Variants in LAMB2 observed in about 807,000 individuals in gnomAD.
LAMB2 encodes the protein laminin subunit beta-2.
Under a neutral mutation model 202.7 loss-of-function variants are expected in LAMB2, and 119 were observed. The observed-to-expected ratio is 0.59, with a 90% CI of 0.51 to 0.68. The LOEUF (loss-of-function observed/expected upper bound fraction) is 0.68, where lower values mean the gene tolerates loss of function less well. Ranked by LOEUF, LAMB2 falls within the 30% of genes least tolerant of loss-of-function variation. LAMB2 has a pLI of 0.00. For missense variants in LAMB2, 2,124 were observed against 2,410.6 expected (o/e 0.88, Z 2.49); for synonymous variants, 818 against 902.2 (o/e 0.91, Z 1.67).
intron 26 of LAMB2, 25 bp from the exon 27 acceptor site, chr3:49,123,077 G>T (rs1378936377): frequency 1.9e-6 from 3 of 1,606,500 alleles, no homozygotes; most frequent in Admixed American, 3.3e-5. Context: ...ACAAGTCAGG[G>T]CCCTGTGAGA....
Position 49,124,829 on chromosome 3 carries a change from G to A in LAMB2, c.2981C>T (p.Pro994Leu). 1 of 1,614,152 alleles carries A rather than the reference G, an allele frequency of 6.2e-7. No individual in the cohort carries two copies. Among genetic ancestry groups the A allele is most frequent in the Non-Finnish European group, 8.5e-7 (1 of 1,180,030 alleles). Reference sequence around the variant, plus strand: ...GGGGTCACAGGCATCAGGATCCATTGGGTCAATGTTCCCACTGCACTCACA... The same window carrying A: ...GGGGTCACAGGCATCAGGATCCATTAGGTCAATGTTCCCACTGCACTCACA... ...QLCECSGNID[P>L]MDPDACDPHT... Residue 994 changes from proline (P) to leucine (L), a missense_variant, in exon 21 of 32, where the codon CCA becomes CTA. Transcript: ENST00000305544.
At position 49,132,697 on chromosome 3, in the gene LAMB2, T is replaced by C; in HGVS notation, c.77-34A>G. The C allele has an allele frequency of 6.2e-7, 1 of 1,614,064 alleles. No homozygotes were observed. The highest frequency in any genetic ancestry group is 8.5e-7 in the Non-Finnish European group (1 of 1,179,944). On this transcript the variant is annotated intron_variant, in intron 1 of 31. Coordinates refer to ENST00000305544, the MANE Select transcript of LAMB2 (RefSeq NM_002292.4). The surrounding 1 kb of genome is among the most constrained non-coding windows in gnomAD (Gnocchi z 4.6). The stretch of plus-strand genomic sequence containing the variant: ...AGTAGCTCAGTCAGTTCCGCTGAGT[T>C]CCTATCCAGTGGCTCCACCTCATGT...
chr3:49,121,388 G>T, intron 31 of LAMB2, 26 bp from the exon 32 acceptor site: 1 of 1,614,100 alleles, frequency 6.2e-7, no homozygotes, highest in Non-Finnish European at 8.5e-7. Flanking sequence ...GTCAGTTTAG[G>T]GGGGGTTTCC....
In LAMB2 at chr3:49,129,545, C is replaced by T. The variant is rs1208149862; in HGVS notation, c.1518+59G>A. On this transcript the variant is annotated intron_variant, in intron 11 of 31. Transcript: ENST00000305544. The surrounding 1 kb of genome is among the most constrained non-coding windows in gnomAD (Gnocchi z 6.1). Reference sequence around the variant, plus strand: ...ACCCACTGGCATAGATGTGACACCCCAGCCCTGTGCTCTAAGGACAAATCA... The same window carrying T: ...ACCCACTGGCATAGATGTGACACCCTAGCCCTGTGCTCTAAGGACAAATCA... 1.4e-6 allele frequency: 2 copies of T among 1,404,988 alleles called. No individual in the cohort carries two copies. The highest frequency in any genetic ancestry group is 1.7e-5 in the Admixed American group (1 of 58,684). 87.0% of individuals were successfully genotyped at this position (1,404,988 alleles called of 1,614,324 possible). A position where few individuals can be genotyped will look rare whatever the true frequency, so the allele number is the denominator to read the frequency against.
Position 49,132,030 on chromosome 3 carries a change from G to A in LAMB2, c.459+86C>T. The A allele has an allele frequency of 3.9e-6, 5 of 1,288,960 alleles. No homozygotes were observed. The highest frequency in any genetic ancestry group is 5.6e-6 in the Non-Finnish European group (5 of 885,080). 79.8% of individuals were successfully genotyped at this position (1,288,960 alleles called of 1,614,324 possible). ...AGCCTCCTGCATCCATGCTCAAGGA[G>A]GCTGTGTTAAGGAGCTGAGGCTCTG... On this transcript the variant is annotated intron_variant, in intron 4 of 31. Transcript: ENST00000305544. This position sits in a 1 kb window ranked among gnomAD's most constrained non-coding sequence, Gnocchi z 4.6.
chr3:49,125,652 G>A, intron 18 of LAMB2, 95 bp downstream of exon 18: 1 of 1,540,304 alleles, frequency 6.5e-7, no homozygotes, highest in Admixed American at 1.9e-5. Context: ...CCAAGACTTA[G>A]TTTGAGGAAA....
chr3:49,129,257 G>A lies in LAMB2; in HGVS notation c.1586C>T (p.Ala529Val), dbSNP rs2045455839. 1 of 1,613,876 alleles carries A rather than the reference G, an allele frequency of 6.2e-7. No homozygotes were observed. Among genetic ancestry groups the A allele is most frequent in the Non-Finnish European group, 8.5e-7 (1 of 1,179,954 alleles). ...TTACAACACTTACTGGGGATCCAAA[G>A]CACCACCCACGTCGCAGTCACAGGG... is the stretch of plus-strand genomic sequence containing the variant. ...CRPCDCDVGG[A>V]LDPQCDEGTG... Residue 529 changes from alanine (A) to valine (V), a missense_variant, in exon 12 of 32, where the codon GCT becomes GTT. Coordinates refer to ENST00000305544, the MANE Select transcript of LAMB2 (RefSeq NM_002292.4). The surrounding 1 kb of genome is among the most constrained non-coding windows in gnomAD (Gnocchi z 6.1).
Position 49,126,143 on chromosome 3 carries a change from C to T in LAMB2, c.2168G>A (p.Arg723His), listed in dbSNP as rs542505535. ...LLIDSLVLLP[R>H]VLVLEMFSGG... ...ACTAAACATCTCTAGCACCAGGACA[C>T]GGGGCAGCAGCACCAGCTGAAGGAG... The change falls in exon 17 of 32, where the codon CGT (arginine) becomes CAT (histidine). Residue 723 changes from arginine (R) to histidine (H), a missense_variant. By Grantham distance (29) the Arg-to-His change is conservative. Transcript: ENST00000305544. 1.9e-5 allele frequency: 30 copies of T among 1,612,696 alleles called. No individual in the cohort carries two copies. The highest frequency in any genetic ancestry group is 8.8e-5 in the South Asian group (8 of 91,080).
chr3:49,121,147 C>A lies in LAMB2; in HGVS notation c.*79G>T. Reference sequence around the variant, plus strand: ...CACACTGGTTTATTGGGGGCCCTGCCGGGCCAAGAGCTCTTCAGTGCATAG... The same window carrying A: ...CACACTGGTTTATTGGGGGCCCTGCAGGGCCAAGAGCTCTTCAGTGCATAG... On this transcript the variant is annotated 3_prime_UTR_variant, in exon 32 of 32. Coordinates refer to ENST00000305544, the MANE Select transcript of LAMB2 (RefSeq NM_002292.4). 6.4e-7 allele frequency: 1 copy of A among 1,550,866 alleles called. No individual in the cohort carries two copies. The highest frequency in any genetic ancestry group is 1.1e-5 in the South Asian group (1 of 89,000).
Position 49,133,011 on chromosome 3 carries a change from A to C in LAMB2, c.-144T>G, listed in dbSNP as rs1272857661. 2.8e-6 allele frequency: 2 copies of C among 719,756 alleles called. No individual in the cohort carries two copies. Among genetic ancestry groups the C allele is most frequent in the African/African-American group, 3.5e-5 (2 of 57,026 alleles). The allele number at this position is 719,756 out of a possible 1,614,324, so 44.6% of individuals were successfully genotyped here. A position where few individuals can be genotyped will look rare whatever the true frequency, so the allele number is the denominator to read the frequency against. ...CCTCTGTCAGTTCCCAGGTCTGTCC[A>C]GCGGTCCCTCCGACAGCTTAGAGTC... On this transcript the variant is annotated 5_prime_UTR_variant, in exon 1 of 32. Coordinates refer to ENST00000305544, the MANE Select transcript of LAMB2 (RefSeq NM_002292.4).
rs1258588115 is a variant in LAMB2, at chr3:49,129,020, C to T, written c.1731G>A (p.Gln577=). 2 of 1,608,612 alleles carry T rather than the reference C, an allele frequency of 1.2e-6. No homozygotes were observed. The highest frequency in any genetic ancestry group is 8.5e-7 in the Non-Finnish European group (1 of 1,180,000). The change falls in exon 13 of 32, where the codon CAG becomes CAA. Residue 577 remains glutamine (Q), a splice_region_variant and synonymous_variant. Coordinates refer to ENST00000305544, the MANE Select transcript of LAMB2 (RefSeq NM_002292.4). The surrounding 1 kb of genome is among the most constrained non-coding windows in gnomAD (Gnocchi z 6.1). ...LIWEAEDTRG[Q]VLDVVERLVT... ...CTCTGCTTAGGGGGAGGCCCCACAC[C>T]TGCCCTCGGGTGTCCTCAGCCTCCC... is the stretch of plus-strand genomic sequence containing the variant.
In LAMB2 at chr3:49,125,415, C is replaced by T. The variant is rs774703538; in HGVS notation, c.2558G>A (p.Arg853Gln). The T allele has an allele frequency of 8.7e-6, 14 of 1,613,870 alleles. No homozygotes were observed. The highest frequency in any genetic ancestry group is 1.6e-4 in the Middle Eastern group (1 of 6,062). The part of the protein sequence containing the change: ...CEKTSGQCLC[R>Q]TGAFGLRCDR... ...ACAGCGAAGCCCAAAGGCACCAGTT[C>T]GACAGAGACATTGCCCACTGGTCTT... The change falls in exon 19 of 32, where the codon CGA becomes CAA. Residue 853 changes from arginine (R) to glutamine (Q), a missense_variant. Transcript: ENST00000305544.
chr3:49,130,084 T>G lies in LAMB2; in HGVS notation c.1226-66A>C. 1 of 1,591,994 alleles carries G rather than the reference T, an allele frequency of 6.3e-7. No homozygotes were observed. Among genetic ancestry groups the G allele is most frequent in the Non-Finnish European group, 8.6e-7 (1 of 1,160,698 alleles). ...AACTAGCTCACTGCCAGTCCTCTCC[T>G]AAGCCTAAGGGATCCCACCCTGGAT... On this transcript the variant is annotated intron_variant, in intron 9 of 31. Transcript: ENST00000305544. The surrounding 1 kb of genome is among the most constrained non-coding windows in gnomAD (Gnocchi z 5.0).
Position 49,122,694 on chromosome 3 carries a change from G to T in LAMB2, c.4573+10C>A. 1 of 1,609,984 alleles carries T rather than the reference G, an allele frequency of 6.2e-7. No individual in the cohort carries two copies. Among genetic ancestry groups the T allele is most frequent in the Non-Finnish European group, 8.5e-7 (1 of 1,176,242 alleles). ...ACAACCACATGGCCTGGGACACGTG[G>T]GAGGCTCACGGTTGAGGAAGTCCTT... On this transcript the variant is annotated intron_variant, in intron 27 of 31. Coordinates refer to ENST00000305544, the MANE Select transcript of LAMB2 (RefSeq NM_002292.4).
Position 49,129,270 on chromosome 3 carries a change from C to T in LAMB2, c.1573G>A (p.Asp525Asn), listed in dbSNP as rs200694459. 21 of 1,613,918 alleles carry T rather than the reference C, an allele frequency of 1.3e-5. No individual in the cohort carries two copies. In the Admixed American group the frequency reaches 1.3e-4, roughly 10 times the overall value. The change falls in exon 12 of 32, where the codon GAC (aspartate) becomes AAC (asparagine). Residue 525 changes from aspartate (D) to asparagine (N), a missense_variant. Asp to Asn is a conservative substitution (Grantham distance 23). Around this residue, in one of 3 missense-constraint regions of LAMB2, gnomAD observed 1,702 missense variants for 1,896.3 expected, o/e 0.90. Coordinates refer to ENST00000305544, the MANE Select transcript of LAMB2 (RefSeq NM_002292.4). This position sits in a 1 kb window ranked among gnomAD's most constrained non-coding sequence, Gnocchi z 6.1. Reference protein sequence around the residue: ...DLLGCRPCDCDVGGALDPQCD... With the variant: ...DLLGCRPCDCNVGGALDPQCD... ...TGGGGATCCAAAGCACCACCCACGT[C>T]GCAGTCACAGGGGCGGCAGCCGAGC... is the stretch of plus-strand genomic sequence containing the variant.
chr3:49,128,804 C>T lies in LAMB2; in HGVS notation c.1747G>A (p.Glu583Lys). ...GTTTCCCCGGGGGTCACCAGGCGCTCCACCACATCGAGCACCTGGGAGATA... is the reference window on the plus strand; with the variant it reads ...GTTTCCCCGGGGGTCACCAGGCGCTTCACCACATCGAGCACCTGGGAGATA... The part of the protein sequence containing the change: ...DTRGQVLDVV[E>K]RLVTPGETPS... Residue 583 changes from glutamate to lysine, a missense_variant, in exon 14 of 32, where the codon GAG (glutamate) becomes AAG (lysine). Physicochemically the swap from Glu to Lys is moderately conservative, Grantham distance 56. This residue lies in a region of LAMB2 where 1,702 missense variants were observed against 1,896.3 expected (regional missense o/e 0.90). Transcript: ENST00000305544. 6.2e-7 allele frequency: 1 copy of T among 1,613,198 alleles called. No individual in the cohort carries two copies. The highest frequency in any genetic ancestry group is 8.5e-7 in the Non-Finnish European group (1 of 1,179,402).
Position 49,132,593 on chromosome 3 carries a change from G to A in LAMB2, c.147C>T (p.Pro49=), listed in dbSNP as rs747589298. The A allele has an allele frequency of 1.1e-5, 17 of 1,613,594 alleles. No homozygotes were observed. Among genetic ancestry groups the A allele is most frequent in the African/African-American group, 5.3e-5 (4 of 74,934 alleles). The change falls in exon 2 of 32, where the codon CCC becomes CCT. Residue 49 remains proline (P), a synonymous_variant. Coordinates refer to ENST00000305544, the MANE Select transcript of LAMB2 (RefSeq NM_002292.4). This position sits in a 1 kb window ranked among gnomAD's most constrained non-coding sequence, Gnocchi z 4.6. ...GGCCCACCAGCAGGTCGCCCGTGGC[G>A]GGGTAGCAGCTTCCCCTGGAACAGC... ...VPGCSRGSCY[P]ATGDLLVGRA...
chr3:49,122,228 G>C lies in LAMB2; in HGVS notation c.4716C>G (p.Ile1572Met). The C allele has an allele frequency of 6.2e-7, 1 of 1,613,476 alleles. No individual in the cohort carries two copies. Among genetic ancestry groups the C allele is most frequent in the Middle Eastern group, 1.6e-4 (1 of 6,062 alleles). Residue 1572 changes from isoleucine to methionine, a missense_variant, in exon 28 of 32, where the codon ATC becomes ATG. Physicochemically the swap from Ile to Met is conservative, Grantham distance 10. Transcript: ENST00000305544. Reference sequence around the variant, plus strand: ...GCACATCTCCTACAGTACGTGCCAGGATCGCATCCACATCTGCCAGGCTCC... The same window carrying C: ...GCACATCTCCTACAGTACGTGCCAGCATCGCATCCACATCTGCCAGGCTCC... The part of the protein sequence containing the change: ...RVRSLADVDA[I>M]LARTVGDVRR...
chr3:49,124,451 C>T lies in LAMB2; in HGVS notation c.3271G>A (p.Gly1091Ser). 6.2e-7 allele frequency: 1 copy of T among 1,613,684 alleles called. No individual in the cohort carries two copies. The highest frequency in any genetic ancestry group is 8.5e-7 in the Non-Finnish European group (1 of 1,180,030). The change falls in exon 22 of 32, where the codon GGT becomes AGT. Residue 1091 changes from glycine (G) to serine (S), a missense_variant. By Grantham distance (56) the Gly-to-Ser change is moderately conservative (BLOSUM62 0). Transcript: ENST00000305544. ...PNFWNLTSGH[G>S]CQPCACHPSR... is the part of the protein sequence containing the mutation. ...GGGTGGCAGGCACAAGGCTGGCAAC[C>T]ATGGCCACTGGTGAGGTTCCAGAAG...
Sources: allele counts gnomAD v4.1 joint callset, GRCh38; gene constraint gnomAD v4.1.1; regional missense constraint gnomAD v4.1.1; non-coding constraint Gnocchi (gnomAD v3.1); transcripts MANE v1.5; gene names NCBI Gene and HGNC (gene_info 2026-07-23, HGNC 2026-07-21).